Variants in PATJ observed in about 807,000 individuals in gnomAD.
PATJ encodes inaD-like protein.
Under a neutral mutation model 224.9 loss-of-function variants are expected in PATJ, and 190 were observed. The observed-to-expected ratio is 0.84, with a 90% CI of 0.75 to 0.95. The LOEUF (loss-of-function observed/expected upper bound fraction) is 0.95, where lower values mean the gene tolerates loss of function less well. PATJ is among the 40% of genes least tolerant of loss of function. The pLI, the probability that PATJ is intolerant of heterozygous loss-of-function variation, is 0.00. For missense variants in PATJ, 2,121 were observed against 2,270.3 expected (o/e 0.93, Z 1.34); for synonymous variants, 769 against 820.3 (o/e 0.94, Z 1.07).
chr1:61,961,987 A>AAAG (rs1356674502), intron 27 of PATJ, among the ~76,000 whole-genome samples: 2 of 147,680 alleles, frequency 1.4e-5, no homozygotes, highest in African/African-American at 5.0e-5. Flanking sequence ...AAAAAAAAAG[A>AAAG]AAGAAAAGAA....
At chr1:61,751,812 T>C (rs1268523716) in intron 1 of PATJ, among the ~76,000 whole-genome samples, 1 of 149,062 alleles carries the variant, frequency 6.7e-6, no homozygotes, top group South Asian at 2.1e-4. Flanking sequence ...GGCAACAGAG[T>C]GAGACCCTGT....
chr1:61,921,213 A>G (rs1481864607), intron 26 of PATJ, among the ~76,000 whole-genome samples: 1 of 152,158 alleles, frequency 6.6e-6, no homozygotes, highest in African/African-American at 2.4e-5. Context: ...AGACATATAC[A>G]TGGGGGCCAG....
intron 1 of PATJ, among the ~76,000 whole-genome samples, chr1:61,761,807 T>G (rs906487702): frequency 1.3e-5 from 2 of 152,028 alleles, no homozygotes; most frequent in Non-Finnish European, 2.9e-5. Flanking sequence ...TGCCTCAGCC[T>G]CCTGAGCAGC....
At chr1:62,043,471 A>G (rs1651911010) in intron 30 of PATJ, among the ~76,000 whole-genome samples, 2 of 152,112 alleles carry the variant, frequency 1.3e-5, no homozygotes, top group Non-Finnish European at 2.9e-5. Flanking sequence ...AATTAATTCT[A>G]TGGACTTGTT....
chr1:61,966,747 A>G (rs948449856), intron 27 of PATJ, among the ~76,000 whole-genome samples: 1 of 151,754 alleles, frequency 6.6e-6, no homozygotes, highest in Non-Finnish European at 1.5e-5. Flanking sequence ...TGGCTACTCC[A>G]TAGAGCAGCT....
Position 61,914,669 on chromosome 1 carries a change from C to T in PATJ, c.3570+5C>T. ...ACCCAAGAAAAGAAAGAAAAGGTAA[C>T]TTGAACCTCTCAAGGATTTAAAAAA... On this transcript the variant is annotated splice_donor_5th_base_variant and intron_variant, in intron 26 of 43. Transcript: ENST00000642238. The T allele has an allele frequency of 6.6e-7, 1 of 1,518,486 alleles. No individual in the cohort carries two copies. The highest frequency in any genetic ancestry group is 2.3e-5 in the East Asian group (1 of 44,182). 94.1% of individuals were successfully genotyped at this position (1,518,486 alleles called of 1,614,324 possible).
intron 42 of PATJ, among the ~76,000 whole-genome samples, chr1:62,149,038 G>C (rs531953484): frequency 5.5e-4 from 82 of 149,652 alleles, no homozygotes; most frequent in Non-Finnish European, 1.0e-3. Flanking sequence ...TGAGGCAGGA[G>C]AATTGCTTGA....
At position 62,027,628 on chromosome 1, in the gene PATJ, CTTTTTTTTT is replaced by C. The variant is rs57019359; in HGVS notation, c.3959+9696_3959+9704del. 5.3e-4 allele frequency among the ~76,000 whole-genome samples: 58 copies of C among 109,836 alleles called. No homozygotes were observed. The East Asian group carries it at 8.0e-3, about 15-fold the overall frequency. 72.1% of individuals were successfully genotyped at this position (109,836 alleles called of 152,430 possible). On this transcript the variant is annotated intron_variant, in intron 29 of 43. Coordinates refer to ENST00000642238, the MANE Select transcript of PATJ (RefSeq NM_001350145.3). ...TTTCTTCATAACCTTGCCAACATTC[CTTTTTTTTT>C]TTTTTTTTTTTTTTGGATAGTATCC...
At chr1:62,135,608 AAATG>A (rs1666778439) in intron 41 of PATJ, among the ~76,000 whole-genome samples, 7 of 152,156 alleles carry the variant, frequency 4.6e-5, no homozygotes, top group Middle Eastern at 6.8e-3. Flanking sequence ...TTGAAAGTTG[AAATG>A]AACACCTAGC....
chr1:61,990,316 AC>A lies in PATJ; in HGVS notation c.3821del (p.Pro1274LeufsTer15). Reference protein sequence around the residue: ...IFVVGINPEGPAAADGRMRIG... With the variant: ...IFVVGINPEGXAAADGRMRIG... ...TTGTGGTGGGAATTAACCCGGAAGG[AC>A]CTGCTGCCGCAGATGGACGAATGCG... is the stretch of plus-strand genomic sequence containing the variant. On this transcript the variant is annotated frameshift_variant, in exon 28 of 44. Transcript: ENST00000642238. LOFTEE classifies it high-confidence loss of function. 1 of 1,613,698 alleles carries A rather than the reference AC, an allele frequency of 6.2e-7. No individual in the cohort carries two copies. Among genetic ancestry groups the A allele is most frequent in the Non-Finnish European group, 8.5e-7 (1 of 1,179,920 alleles).
Position 61,972,994 on chromosome 1 carries a change from G to A in PATJ, c.3671-17174G>A, listed in dbSNP as rs568886828. Among the ~76,000 whole-genome samples, 52 of 151,962 alleles carry A rather than the reference G, an allele frequency of 3.4e-4. No individual in the cohort carries two copies. In the East Asian group the frequency reaches 9.8e-3, roughly 29 times the overall value. On this transcript the variant is annotated intron_variant, in intron 27 of 43. Coordinates refer to ENST00000642238, the MANE Select transcript of PATJ (RefSeq NM_001350145.3). ...TGAAACATTTGGATTACCCAAAAAA[G>A]GTATTCTATCAGCTTAATCTTAGAA...
intron 25 of PATJ, among the ~76,000 whole-genome samples, chr1:61,909,952 G>A (rs1372292308): frequency 6.6e-6 from 1 of 152,166 alleles, no homozygotes; most frequent in Non-Finnish European, 1.5e-5. Flanking sequence ...TCCATTCTTA[G>A]CACTATGTTT....
chr1:62,054,520 A>G (rs942073576), intron 31 of PATJ, among the ~76,000 whole-genome samples: 3 of 152,156 alleles, frequency 2.0e-5, no homozygotes, highest in Non-Finnish European at 2.9e-5. Context: ...AAGGTATTCC[A>G]TTTCTTTAAA....
intron 1 of PATJ, among the ~76,000 whole-genome samples, chr1:61,753,298 T>A (rs1258177963): frequency 1.3e-5 from 2 of 152,152 alleles, no homozygotes; most frequent in Non-Finnish European, 2.9e-5. Flanking sequence ...TTATGTGTGG[T>A]CTAATTGTGA....
chr1:61,813,336 TATA>T, intron 14 of PATJ, among the ~76,000 whole-genome samples: 1 of 35,040 alleles, frequency 2.9e-5, no homozygotes, highest in East Asian at 7.6e-4. Context: ...GGAATGTACA[TATA>T]TATATATATA....
At chr1:61,839,047 G>T (rs957559945) in intron 17 of PATJ, among the ~76,000 whole-genome samples, 1 of 152,102 alleles carries the variant, frequency 6.6e-6, no homozygotes, top group African/African-American at 2.4e-5. Flanking sequence ...TAAGTAATTA[G>T]TCCAATTCAT....
intron 30 of PATJ, among the ~76,000 whole-genome samples, chr1:62,041,579 A>G (rs561019986): frequency 2.6e-5 from 4 of 152,224 alleles, no homozygotes; most frequent in Non-Finnish European, 4.4e-5. Context: ...AGAGTCATGG[A>G]TAAACCTAGA....
intron 28 of PATJ, among the ~76,000 whole-genome samples, chr1:61,997,785 TTTTTGTTTTGTTTTG>T (rs3060985): frequency 1.1e-3 from 155 of 137,096 alleles, no homozygotes; most frequent in Non-Finnish European, 1.8e-3. Flanking sequence ...TGTGTGCGGT[TTTTTGTTTTGTTTTG>T]TTTTGTTTTG....
intron 27 of PATJ, among the ~76,000 whole-genome samples, chr1:61,966,201 A>G (rs76748953): frequency 0.028 from 4,174 of 151,696 alleles, 221 homozygotes; most frequent in African/African-American, 0.096. Flanking sequence ...CACCTGGTCT[A>G]TTATTTATGT....
Sources: allele counts gnomAD v4.1 joint callset (sites outside exome capture counted in the v4.1 genomes callset), GRCh38; gene constraint gnomAD v4.1.1; transcripts MANE v1.5; gene names NCBI Gene and HGNC (gene_info 2026-07-23, HGNC 2026-07-21).